DLEU7: variants seen among roughly 807,000 people sequenced by gnomAD.
DLEU7 encodes the protein leukemia-associated protein 7.
In DLEU7, 17 loss-of-function variants were observed where a neutral mutation model predicts 16.0. The ratio of observed to expected loss-of-function variants is 1.06; its 90% CI spans 0.73 to 1.59. The LOEUF is 1.59. Among genes scored for constraint, DLEU7 ranks in the 40% most tolerant of loss-of-function variants. DLEU7 has a pLI of 0.00. For synonymous variants in DLEU7, 113 were observed against 139.8 expected (o/e 0.81, Z 1.35); for missense variants, 308 against 314.9 (o/e 0.98, Z 0.17).
chr13:50,746,300 A>C (rs1445373876), intron 1 of DLEU7, among the ~76,000 whole-genome samples: 1 of 152,206 alleles, frequency 6.6e-6, no homozygotes, highest in Non-Finnish European at 1.5e-5. Flanking sequence ...ACAGTCCTAC[A>C]ATGAAAGGAA....
In DLEU7 at chr13:50,751,941, T is replaced by A. The variant is rs551129315; in HGVS notation, c.460-38701A>T. Among the ~76,000 whole-genome samples the A allele has an allele frequency of 4.4e-4, 67 of 152,270 alleles. No individual in the cohort carries two copies. In the East Asian group the frequency reaches 0.012, roughly 27 times the overall value. On this transcript the variant is annotated intron_variant, in intron 1 of 1. Transcript: ENST00000400393. ...TTGTTGTTGTTTCAATTTCATTTAG[T>A]TCTGCTCTGATCTTGGTTACTTCCT...
intron 1 of DLEU7, among the ~76,000 whole-genome samples, chr13:50,734,688 G>A (rs1874015605): frequency 6.6e-6 from 1 of 152,132 alleles, no homozygotes; most frequent in Non-Finnish European, 1.5e-5. Context: ...ACGAAGTAAA[G>A]GAAGAACAAC....
chr13:50,843,744 CGGCTCCTCGGCCTCT>C, upstream of DLEU7: 2 of 1,429,314 alleles, frequency 1.4e-6, no homozygotes, highest in Non-Finnish European at 1.8e-6. The surrounding 1 kb of genome is among the most constrained non-coding windows in gnomAD (Gnocchi z 5.7). Flanking sequence ...TTCTAACCCG[CGGCTCCTCGGCCTCT>C]GGGTCTCACA....
chr13:50,743,256 G>A (rs1874304495), intron 1 of DLEU7, among the ~76,000 whole-genome samples: 1 of 152,130 alleles, frequency 6.6e-6, no homozygotes, highest in Admixed American at 6.5e-5. Context: ...CTGGTGGACA[G>A]GTTGTATGTG....
intron 1 of DLEU7, among the ~76,000 whole-genome samples, chr13:50,752,043 T>G (rs1449301558): frequency 7.6e-6 from 1 of 131,200 alleles, no homozygotes. Context: ...CAGTTTGTGC[T>G]CTTTCAGTCT....
At chr13:50,715,197 A>G (rs1377314601) in intron 1 of DLEU7, among the ~76,000 whole-genome samples, 1 of 152,180 alleles carries the variant, frequency 6.6e-6, no homozygotes, top group African/African-American at 2.4e-5. Context: ...ACGAGGCCTC[A>G]TCTCTCTGAC....
intron 1 of DLEU7, among the ~76,000 whole-genome samples, chr13:50,781,982 G>A (rs1875660752): frequency 6.6e-6 from 1 of 152,134 alleles, no homozygotes. Flanking sequence ...TTCTCCATAT[G>A]TATTCAAACT....
intron 1 of DLEU7, among the ~76,000 whole-genome samples, chr13:50,722,675 A>G (rs1435546365): frequency 6.6e-6 from 1 of 152,208 alleles, no homozygotes; most frequent in Non-Finnish European, 1.5e-5. Context: ...TCTCTACCAT[A>G]ACATTAATCT....
intron 1 of DLEU7, chr13:50,840,050 C>A (rs150592508): frequency 6.6e-6 from 1 of 152,290 alleles, no homozygotes; most frequent in South Asian, 2.1e-4. Flanking sequence ...CTGTCATCTG[C>A]GCCATGGGCT....
At chr13:50,717,306 C>T (rs1028908850) in intron 1 of DLEU7, among the ~76,000 whole-genome samples, 6 of 152,106 alleles carry the variant, frequency 3.9e-5, no homozygotes, top group Non-Finnish European at 8.8e-5. Context: ...ATGCTGGACA[C>T]AGATGGTAAG....
intron 1 of DLEU7, among the ~76,000 whole-genome samples, chr13:50,746,549 AT>A (rs1048221387): frequency 7.2e-5 from 11 of 152,292 alleles, no homozygotes; most frequent in African/African-American, 2.4e-4. Flanking sequence ...ACATTTGGGC[AT>A]TTTTGACTAA....
chr13:50,785,141 G>A (rs1276493972), intron 1 of DLEU7, among the ~76,000 whole-genome samples: 1 of 152,150 alleles, frequency 6.6e-6, no homozygotes, highest in East Asian at 1.9e-4. Flanking sequence ...AAGCTGAGGA[G>A]TAACTTACGC....
At chr13:50,818,609 T>C (rs969333934), downstream of DLEU7, 1 of 152,172 alleles carries the variant, frequency 6.6e-6, no homozygotes, top group African/African-American at 2.4e-5. Context: ...TCATTTCTTA[T>C]GGCTGCTGCA....
In DLEU7 at chr13:50,734,023, G is replaced by A. The variant is rs373168854; in HGVS notation, c.460-20783C>T. 1.4e-4 allele frequency among the ~76,000 whole-genome samples: 21 copies of A among 152,276 alleles called. No homozygotes were observed. In the South Asian group the frequency reaches 4.3e-3, roughly 32 times the overall value. Reference sequence around the variant, plus strand: ...GATGTGCAGTTTGTACAGTCACACAGGGTCCTGTGCTCAGAGGACATCAAA... The same window carrying A: ...GATGTGCAGTTTGTACAGTCACACAAGGTCCTGTGCTCAGAGGACATCAAA... On this transcript the variant is annotated intron_variant, in intron 1 of 1. Transcript: ENST00000400393.
chr13:50,734,700 A>G (rs186481091), intron 1 of DLEU7, among the ~76,000 whole-genome samples: 253 of 152,296 alleles, frequency 1.7e-3, no homozygotes, highest in African/African-American at 5.6e-3. Context: ...AAGAACAACA[A>G]TGAAGTCCCA....
At position 50,804,302 on chromosome 13, in the gene DLEU7, G is replaced by T. The variant is rs929969717; in HGVS notation, c.459+38886C>A. ...TTAAATGTTTATATTTTTTTAGAGAGAATTGAAAACTGTCTGATACTGAGT... is the reference window on the plus strand; with the variant it reads ...TTAAATGTTTATATTTTTTTAGAGATAATTGAAAACTGTCTGATACTGAGT... On this transcript the variant is annotated intron_variant, in intron 1 of 1. Coordinates refer to the DLEU7 transcript ENST00000400393. Among the ~76,000 whole-genome samples, 4 of 151,892 alleles carry T rather than the reference G, an allele frequency of 2.6e-5. No homozygotes were observed. In the East Asian group the frequency reaches 7.7e-4, roughly 29 times the overall value.
intron 1 of DLEU7, among the ~76,000 whole-genome samples, chr13:50,728,393 G>A (rs1046874481): frequency 3.3e-5 from 5 of 152,168 alleles, no homozygotes; most frequent in East Asian, 1.9e-4. Flanking sequence ...GCTCAAATGA[G>A]TTCTAGAATT....
At chr13:50,795,335 C>T (rs1402456412) in intron 1 of DLEU7, among the ~76,000 whole-genome samples, 1 of 152,146 alleles carries the variant, frequency 6.6e-6, no homozygotes. Flanking sequence ...TCACCTTGAA[C>T]TCATGTCCAT....
chr13:50,786,619 G>T (rs1254690133), intron 1 of DLEU7, among the ~76,000 whole-genome samples: 2 of 152,208 alleles, frequency 1.3e-5, no homozygotes, highest in Admixed American at 1.3e-4. Context: ...TCCTGAGTGA[G>T]AATCCCAGCT....
Sources: allele counts gnomAD v4.1 joint callset (sites outside exome capture counted in the v4.1 genomes callset), GRCh38; gene constraint gnomAD v4.1.1; non-coding constraint Gnocchi (gnomAD v3.1); transcripts MANE v1.5; gene names NCBI Gene and HGNC (gene_info 2026-07-23, HGNC 2026-07-21).